The following GIGYF2 variants were observed in gnomAD, a reference collection of about 807,000 sequenced individuals.
The protein encoded by GIGYF2 is GRB10-interacting GYF protein 2.
In GIGYF2, 25 loss-of-function variants were observed where a neutral mutation model predicts 208.1. The observed-to-expected ratio is 0.12, with a 90% confidence interval of 0.09 to 0.17. GIGYF2 has a LOEUF of 0.17. Among genes scored for constraint, GIGYF2 ranks in the 10% least tolerant of loss-of-function variants. The pLI, the probability that GIGYF2 is intolerant of heterozygous loss-of-function variation, is 1.00. For missense variants in GIGYF2, 1,302 were observed against 1,579.4 expected (o/e 0.82, Z 2.98); for synonymous variants, 534 against 543.8 (o/e 0.98, Z 0.25).
At chr2:232,855,080 C>CTTTTTTTTTTTTTTTTTT (rs201395041) in intron 28 of GIGYF2, among the ~76,000 whole-genome samples, 59 of 109,168 alleles carry the variant, frequency 5.4e-4, no homozygotes, top group East Asian at 8.1e-4. Flanking sequence ...CTTTTTCTTT[C>CTTTTTTTTTTTTTTTTTT]TTTTTTTTTT....
chr2:232,779,451 T>C (rs1699637041), intron 8 of GIGYF2, among the ~76,000 whole-genome samples: 1 of 152,198 alleles, frequency 6.6e-6, no homozygotes, highest in African/African-American at 2.4e-5. Flanking sequence ...TCAGTTGGAG[T>C]GCGATTTCTG....
At chr2:232,797,715 C>T (rs1700266265) in intron 14 of GIGYF2, among the ~76,000 whole-genome samples, 1 of 152,056 alleles carries the variant, frequency 6.6e-6, no homozygotes, top group Non-Finnish European at 1.5e-5. Context: ...ATTGTGGTGG[C>T]TCATGCCTGT....
intron 8 of GIGYF2, chr2:232,776,499 A>G (rs749368414): frequency 1.1e-5 from 13 of 1,220,094 alleles, no homozygotes; most frequent in Admixed American, 1.9e-5. Context: ...GGAAATTTAC[A>G]GAGTCTGCCT....
intron 3 of GIGYF2, among the ~76,000 whole-genome samples, chr2:232,738,041 T>C (rs1697812727): frequency 6.6e-6 from 1 of 151,156 alleles, no homozygotes; most frequent in African/African-American, 2.4e-5. Context: ...CTCAACCTCC[T>C]GAGTAGCTGA....
intron 22 of GIGYF2, among the ~76,000 whole-genome samples, chr2:232,836,324 AT>A (rs1559160689): frequency 0.025 from 679 of 26,680 alleles, 172 homozygotes; most frequent in African/African-American, 0.066. Flanking sequence ...ATATATATAT[AT>A]ATATACATAT....
intron 15 of GIGYF2, among the ~76,000 whole-genome samples, chr2:232,807,108 C>T (rs1392464736): frequency 6.6e-6 from 1 of 152,174 alleles, no homozygotes; most frequent in Non-Finnish European, 1.5e-5. Flanking sequence ...ACTTCATTTG[C>T]CTCTTGCCTT....
rs1553607658 is a variant in GIGYF2, at chr2:232,739,368, C to CCCG, written c.41+4132_41+4133insGCC. On this transcript the variant is annotated intron_variant, in intron 3 of 28. Coordinates refer to ENST00000373563, the MANE Select transcript of GIGYF2 (RefSeq NM_001103146.3). ...CCTGGGCAACAAAAGCAAACCCCCC[C>CCCG]CCCCCCGCAAAAAAAAAGAAAAGGG... Among the ~76,000 whole-genome samples the CCCG allele has an allele frequency of 1.5e-5, 2 of 135,720 alleles. 1 individual carries two copies. The highest frequency in any genetic ancestry group is 5.6e-5 in the African/African-American group (2 of 35,958). 89.0% of individuals were successfully genotyped at this position (135,720 alleles called of 152,430 possible). A position where few individuals can be genotyped will look rare whatever the true frequency, so the allele number is the denominator to read the frequency against.
At position 232,793,264 on chromosome 2, in the gene GIGYF2, A is replaced by G. The variant is rs531028065; in HGVS notation, c.1283-1484A>G. 1.3e-4 allele frequency among the ~76,000 whole-genome samples: 20 copies of G among 152,350 alleles called. No homozygotes were observed. In the South Asian group the frequency reaches 4.1e-3, roughly 32 times the overall value. ...AGGGTATAGACTATCTTGTGATGAC[A>G]GTTTGGCTTCACTGTGACCGCTTAG... is the stretch of plus-strand genomic sequence containing the variant. On this transcript the variant is annotated intron_variant, in intron 12 of 28. Transcript: ENST00000373563.
At chr2:232,723,946 C>G (rs1212006644) in intron 2 of GIGYF2, among the ~76,000 whole-genome samples, 2 of 151,096 alleles carry the variant, frequency 1.3e-5, no homozygotes, top group Non-Finnish European at 2.9e-5. Flanking sequence ...CCATGTTAGG[C>G]TGGTCTCGAA....
At chr2:232,789,532 G>A (rs540301742) in intron 9 of GIGYF2, among the ~76,000 whole-genome samples, 1 of 152,138 alleles carries the variant, frequency 6.6e-6, no homozygotes, top group Non-Finnish European at 1.5e-5. Context: ...GTGTTTTGTT[G>A]TTTTTATATG....
At position 232,747,749 on chromosome 2, in the gene GIGYF2, GAA is replaced by G. The variant is rs1288193758; in HGVS notation, c.171+7_171+8del. ...CTTTTCCTTAAAGACAACAAGGTAA[GAA>G]AGTAGGAAAAGAGTTCAAAATTGTG... is the stretch of plus-strand genomic sequence containing the variant. On this transcript the variant is annotated splice_donor_region_variant and intron_variant, in intron 4 of 28. Coordinates refer to ENST00000373563, the MANE Select transcript of GIGYF2 (RefSeq NM_001103146.3). 6.2e-7 allele frequency: 1 copy of G among 1,612,992 alleles called. No homozygotes were observed. The highest frequency in any genetic ancestry group is 1.1e-5 in the South Asian group (1 of 91,064).
intron 8 of GIGYF2, among the ~76,000 whole-genome samples, chr2:232,779,152 T>C (rs1317833265): frequency 1.3e-5 from 2 of 152,208 alleles, no homozygotes; most frequent in Non-Finnish European, 2.9e-5. Context: ...CCTTCCCATC[T>C]AGACAATTTG....
intron 12 of GIGYF2, 124 bp from the exon 13 acceptor site, chr2:232,794,624 G>A: frequency 1.3e-6 from 1 of 783,970 alleles, no homozygotes; most frequent in South Asian, 1.4e-5. Flanking sequence ...TAGCTTCACT[G>A]TTCATGACAG....
At chr2:232,821,024 G>A (rs555071328) in intron 21 of GIGYF2, among the ~76,000 whole-genome samples, 2 of 152,050 alleles carry the variant, frequency 1.3e-5, no homozygotes, top group East Asian at 3.9e-4. Flanking sequence ...ATAGAGATGG[G>A]GTTTTGCCTT....
Position 232,787,393 on chromosome 2 carries a change from G to A in GIGYF2, c.712+64G>A, listed in dbSNP as rs562195262. 69 of 1,369,088 alleles carry A rather than the reference G, an allele frequency of 5.0e-5. 1 individual carries two copies. The East Asian group carries it at 1.3e-3, about 26-fold the overall frequency. The allele number at this position is 1,369,088 out of a possible 1,614,324, so 84.8% of individuals were successfully genotyped here. A position where few individuals can be genotyped will look rare whatever the true frequency, so the allele number is the denominator to read the frequency against. On this transcript the variant is annotated intron_variant, in intron 9 of 28. Transcript: ENST00000373563. Reference sequence around the variant, plus strand: ...ATAAGGGAAAGTTTGATGGAAATAGGGATTAAATGAAAAAGATAAACTGGC... The same window carrying A: ...ATAAGGGAAAGTTTGATGGAAATAGAGATTAAATGAAAAAGATAAACTGGC...
At chr2:232,729,723 CCT>C (rs1230070109) in intron 2 of GIGYF2, 1 of 759,770 alleles carries the variant, frequency 1.3e-6, no homozygotes, top group African/African-American at 1.7e-5. Flanking sequence ...CTGATGCACT[CCT>C]CTAATTTTGC....
rs960016166 is a variant in GIGYF2 at position 232,856,747 on chromosome 2, T to A, written c.3833-46T>A. Reference sequence around the variant, plus strand: ...GCTCACCGCCTAGAATTTGAGCCGCTTGGTTGCCTGGGTGTGGTCACTCAT... The same window carrying A: ...GCTCACCGCCTAGAATTTGAGCCGCATGGTTGCCTGGGTGTGGTCACTCAT... On this transcript the variant is annotated intron_variant, in intron 28 of 28. Transcript: ENST00000373563. The A allele has an allele frequency of 3.3e-6, 4 of 1,229,876 alleles. No individual in the cohort carries two copies. In the African/African-American group the frequency reaches 5.9e-5, roughly 18 times the overall value. 76.2% of individuals were successfully genotyped at this position (1,229,876 alleles called of 1,614,324 possible).
intron 2 of GIGYF2, among the ~76,000 whole-genome samples, chr2:232,715,311 G>T (rs1350429347): frequency 3.3e-5 from 5 of 152,140 alleles, no homozygotes; most frequent in African/African-American, 1.2e-4. Context: ...ACGTAAAGCT[G>T]ACCTTAATTT....
At chr2:232,802,433 C>T (rs983269871) in intron 14 of GIGYF2, among the ~76,000 whole-genome samples, 8 of 152,048 alleles carry the variant, frequency 5.3e-5, no homozygotes, top group Admixed American at 1.3e-4. Context: ...TCTCTCTATT[C>T]TTAGTTTCTT....
Sources: gnomAD v4.1 joint callset for allele counts (sites outside exome capture counted in the v4.1 genomes callset) on GRCh38, gnomAD v4.1.1 for gene constraint, MANE v1.5 for transcripts, NCBI Gene and HGNC (gene_info 2026-07-23, HGNC 2026-07-21) for gene names.